Variants in SVOPL observed in about 807,000 individuals in gnomAD.
The protein encoded by SVOPL is putative transporter SVOPL.
A neutral mutation model predicts 61.0 loss-of-function variants in SVOPL; 60 were observed. The ratio of observed to expected loss-of-function variants is 0.98; its 90% CI spans 0.80 to 1.22. The LOEUF is 1.22. Ranked by LOEUF, SVOPL falls within the 50% of genes most tolerant of loss-of-function variation. The probability of loss-of-function intolerance (pLI) is 0.00; values close to 1 mark genes in which losing one functional copy is unlikely to be tolerated. For missense variants in SVOPL, 662 were observed against 643.9 expected (o/e 1.03, Z -0.30); for synonymous variants, 279 against 250.0 (o/e 1.12, Z -1.09).
At chr7:138,674,408 G>A (rs960534089) in intron 3 of SVOPL, among the ~76,000 whole-genome samples, 4 of 152,000 alleles carry the variant, frequency 2.6e-5, no homozygotes, top group Non-Finnish European at 4.4e-5. Context: ...GCTGATGGAA[G>A]AATCCTGCTC....
chr7:138,637,539 TAC>T (rs1225617075), intron 9 of SVOPL, among the ~76,000 whole-genome samples: 1 of 150,542 alleles, frequency 6.6e-6, no homozygotes, highest in Non-Finnish European at 1.5e-5. Flanking sequence ...CCTACATACA[TAC>T]ACACACACAC....
chr7:138,601,600 C>T (rs1798528809), intron 14 of SVOPL, among the ~76,000 whole-genome samples: 1 of 151,594 alleles, frequency 6.6e-6, no homozygotes, highest in South Asian at 2.1e-4. Context: ...CGGTGATTAC[C>T]AGGGGTAGGG....
At chr7:138,636,102 G>A (rs537054357) in intron 9 of SVOPL, among the ~76,000 whole-genome samples, 1 of 152,018 alleles carries the variant, frequency 6.6e-6, no homozygotes, top group South Asian at 2.1e-4. Flanking sequence ...CTAATTTTTT[G>A]TATTTTTAGT....
chr7:138,697,612 A>AG (rs1803093672), intron 1 of SVOPL, among the ~76,000 whole-genome samples: 1 of 69,404 alleles, frequency 1.4e-5, no homozygotes, highest in Non-Finnish European at 2.4e-5. Context: ...ACCCTGCCTC[A>AG]AAAAAAAAAA....
intron 14 of SVOPL, among the ~76,000 whole-genome samples, chr7:138,605,463 A>C (rs2116779521): frequency 6.6e-6 from 1 of 152,180 alleles, no homozygotes; most frequent in Non-Finnish European, 1.5e-5. Context: ...GGAGCTTGAG[A>C]TCAGCCTGGC....
chr7:138,615,726 C>T lies in SVOPL; in HGVS notation c.1353+5320G>A, dbSNP rs1378285857. Reference sequence around the variant, plus strand: ...AGGAGAACTGTTTGAACCTGGGAGGCGGAGGTTGCAGTGAGCCGACATCAC... The same window carrying T: ...AGGAGAACTGTTTGAACCTGGGAGGTGGAGGTTGCAGTGAGCCGACATCAC... On this transcript the variant is annotated intron_variant, in intron 14 of 15. Coordinates refer to ENST00000674285, the MANE Select transcript of SVOPL (RefSeq NM_001139456.2). 1.8e-5 allele frequency among the ~76,000 whole-genome samples: 2 copies of T among 108,444 alleles called. 1 individual carries two copies. The highest frequency in any genetic ancestry group is 5.4e-5 in the African/African-American group (2 of 36,718). The allele number at this position is 108,444 out of a possible 152,430, so 71.1% of individuals were successfully genotyped here.
intron 1 of SVOPL, among the ~76,000 whole-genome samples, chr7:138,698,025 G>A (rs978892519): frequency 6.7e-6 from 1 of 150,212 alleles, no homozygotes; most frequent in African/African-American, 2.5e-5. Context: ...AGGGAAGGAA[G>A]AAGTAATGAA....
intron 9 of SVOPL, among the ~76,000 whole-genome samples, chr7:138,641,256 G>A (rs1800768729): frequency 6.9e-6 from 1 of 144,700 alleles, no homozygotes; most frequent in African/African-American, 2.7e-5. Flanking sequence ...CTTAAATTCA[G>A]TTTAGACAAC....
At chr7:138,598,487 G>A (rs1450864805) in intron 14 of SVOPL, among the ~76,000 whole-genome samples, 25 of 152,184 alleles carry the variant, frequency 1.6e-4, no homozygotes, top group Admixed American at 1.6e-3. Flanking sequence ...ACTGACACTT[G>A]TAGGACAGGC....
At chr7:138,600,319 C>T (rs1235844397) in intron 14 of SVOPL, among the ~76,000 whole-genome samples, 1 of 152,174 alleles carries the variant, frequency 6.6e-6, no homozygotes, top group African/African-American at 2.4e-5. Context: ...TATCCCTGGC[C>T]AGGCACAGTG....
chr7:138,634,468 G>A lies in SVOPL; in HGVS notation c.790-4346C>T, dbSNP rs561169155. Among the ~76,000 whole-genome samples the A allele has an allele frequency of 4.7e-5, 7 of 149,904 alleles. No homozygotes were observed. The South Asian group carries it at 6.4e-4, about 14-fold the overall frequency. ...GACCAGCCTGGGCCAGTGAGACCCCGTCGCTACAAAATAAGAAAAAAAAAA... is the reference window on the plus strand; with the variant it reads ...GACCAGCCTGGGCCAGTGAGACCCCATCGCTACAAAATAAGAAAAAAAAAA... On this transcript the variant is annotated intron_variant, in intron 9 of 15. Coordinates refer to ENST00000674285, the MANE Select transcript of SVOPL (RefSeq NM_001139456.2).
At chr7:138,620,214 G>A (rs1383456404) in intron 14 of SVOPL, among the ~76,000 whole-genome samples, 1 of 136,950 alleles carries the variant, frequency 7.3e-6, no homozygotes. Flanking sequence ...TCTGCCTCCC[G>A]GGTTCGAGTG....
At chr7:138,691,537 G>T (rs1802941769) in intron 1 of SVOPL, among the ~76,000 whole-genome samples, 1 of 152,148 alleles carries the variant, frequency 6.6e-6, no homozygotes, top group South Asian at 2.1e-4. Context: ...TTTTGCTGTT[G>T]TTGCTGTCGT....
intron 8 of SVOPL, among the ~76,000 whole-genome samples, chr7:138,647,763 A>C (rs577550522): frequency 2.9e-4 from 44 of 149,976 alleles, no homozygotes; most frequent in Non-Finnish European, 6.1e-4. Flanking sequence ...CAGGAGAATC[A>C]CTTGAACATG....
chr7:138,625,513 T>C (rs1384265730), intron 13 of SVOPL, among the ~76,000 whole-genome samples: 1 of 152,226 alleles, frequency 6.6e-6, no homozygotes, highest in Non-Finnish European at 1.5e-5. Context: ...CATATAGATG[T>C]ATTAATTCAA....
chr7:138,600,987 C>T (rs1436762890), intron 14 of SVOPL, among the ~76,000 whole-genome samples: 2 of 151,978 alleles, frequency 1.3e-5, no homozygotes, highest in Admixed American at 1.3e-4. Context: ...CGCGGTGGCT[C>T]ACACCTGTAA....
chr7:138,691,740 C>G (rs1802947502), intron 1 of SVOPL, among the ~76,000 whole-genome samples: 1 of 152,016 alleles, frequency 6.6e-6, no homozygotes. Context: ...GGGGTTTCGC[C>G]ACGTTGGCCA....
intron 5 of SVOPL, chr7:138,661,992 T>C: frequency 1.0e-6 from 1 of 985,472 alleles, no homozygotes; most frequent in Middle Eastern, 5.2e-4. Flanking sequence ...ACCCACTGCG[T>C]TCCCCTAACT....
chr7:138,613,943 T>C (rs1673224), intron 14 of SVOPL, among the ~76,000 whole-genome samples: 68,717 of 152,078 alleles, frequency 0.45, 17,403 homozygotes, highest in African/African-American at 0.68. Context: ...CTTTCAAAAG[T>C]GAGTCCAGGC....
Sources: gnomAD v4.1 joint callset for allele counts (sites outside exome capture counted in the v4.1 genomes callset) on GRCh38, gnomAD v4.1.1 for gene constraint, MANE v1.5 for transcripts, NCBI Gene and HGNC (gene_info 2026-07-23, HGNC 2026-07-21) for gene names.